Variants in ATRNL1 observed in about 807,000 individuals in gnomAD.
The protein encoded by ATRNL1 is attractin-like protein 1.
A neutral mutation model predicts 182.7 loss-of-function variants in ATRNL1; 95 were observed. The ratio of observed to expected loss-of-function variants is 0.52; its 90% CI spans 0.44 to 0.62. The LOEUF (loss-of-function observed/expected upper bound fraction) is 0.62, where lower values mean the gene tolerates loss of function less well. Ranked by LOEUF, ATRNL1 falls within the 20% of genes least tolerant of loss-of-function variation. The pLI is 0.00. For missense variants in ATRNL1, 1,471 were observed against 1,679.5 expected (o/e 0.88, Z 2.17); for synonymous variants, 576 against 568.3 (o/e 1.01, Z -0.19).
chr10:115,719,148 C>T (rs1283974788), intron 26 of ATRNL1, among the ~76,000 whole-genome samples: 2 of 152,168 alleles, frequency 1.3e-5, no homozygotes, highest in African/African-American at 4.8e-5. Context: ...CTAAGCTATT[C>T]AGGATCATCC....
intron 24 of ATRNL1, among the ~76,000 whole-genome samples, chr10:115,512,484 C>A (rs1850433283): frequency 6.6e-6 from 1 of 151,408 alleles, no homozygotes; most frequent in African/African-American, 2.4e-5. Context: ...TCTATTTATT[C>A]TATAAATTTC....
At chr10:115,144,989 C>T (rs1845912266) in intron 5 of ATRNL1, among the ~76,000 whole-genome samples, 1 of 151,976 alleles carries the variant, frequency 6.6e-6, no homozygotes, top group Admixed American at 6.5e-5. Context: ...ATACATGCAC[C>T]AGTCTAATAA....
intron 28 of ATRNL1, among the ~76,000 whole-genome samples, chr10:115,910,420 G>GCCCTGTCA (rs1555115636): frequency 6.6e-6 from 1 of 152,110 alleles, no homozygotes; most frequent in African/African-American, 2.4e-5. Context: ...CCCAGGCCAT[G>GCCCTGTCA]CCCTGTCACC....
At chr10:115,821,434 CA>C (rs1435771006) in intron 27 of ATRNL1, among the ~76,000 whole-genome samples, 1 of 151,968 alleles carries the variant, frequency 6.6e-6, no homozygotes, top group African/African-American at 2.4e-5. Flanking sequence ...TTCCACATAA[CA>C]ATATTAACCT....
intron 26 of ATRNL1, among the ~76,000 whole-genome samples, chr10:115,716,246 G>A (rs1487202705): frequency 6.6e-6 from 1 of 152,060 alleles, no homozygotes. Context: ...GCATTTTACT[G>A]GAGAACCATT....
intron 26 of ATRNL1, among the ~76,000 whole-genome samples, chr10:115,556,135 A>G (rs1402898255): frequency 6.6e-6 from 1 of 152,030 alleles, no homozygotes. Context: ...TACTGGAAAT[A>G]TGTTATATTT....
At chr10:115,294,258 A>G (rs926842863) in intron 15 of ATRNL1, among the ~76,000 whole-genome samples, 31 of 152,188 alleles carry the variant, frequency 2.0e-4, no homozygotes, top group African/African-American at 7.5e-4. Flanking sequence ...CTGAAGTAGG[A>G]GGATCACTTG....
intron 12 of ATRNL1, 30 bp from the exon 13 acceptor site, chr10:115,268,296 C>G (rs782665819): frequency 4.0e-6 from 5 of 1,251,604 alleles, no homozygotes; most frequent in Non-Finnish European, 5.9e-6. Flanking sequence ...CTTTTCCGTG[C>G]TGATATATCG....
intron 13 of ATRNL1, among the ~76,000 whole-genome samples, chr10:115,277,463 A>G (rs782259147): frequency 3.9e-5 from 6 of 152,090 alleles, no homozygotes; most frequent in Non-Finnish European, 7.4e-5. Context: ...AATTGCTTCA[A>G]TAAATTTTAT....
At chr10:115,106,652 A>G (rs1286436668) in intron 1 of ATRNL1, among the ~76,000 whole-genome samples, 1 of 152,144 alleles carries the variant, frequency 6.6e-6, no homozygotes, top group African/African-American at 2.4e-5. Context: ...AAGTCTCAAC[A>G]ATATCTGCTG....
chr10:115,859,752 CA>C (rs1221567017), intron 28 of ATRNL1, among the ~76,000 whole-genome samples: 4 of 152,066 alleles, frequency 2.6e-5, no homozygotes, highest in African/African-American at 9.7e-5. Context: ...TAGTATCTAC[CA>C]AAGGCATTTT....
At chr10:115,868,252 A>T (rs1951485462) in intron 28 of ATRNL1, among the ~76,000 whole-genome samples, 3 of 152,110 alleles carry the variant, frequency 2.0e-5, no homozygotes. Flanking sequence ...TCTTCTTCCA[A>T]AATTTCTTAC....
At chr10:115,821,228 T>C (rs1375053286) in intron 27 of ATRNL1, among the ~76,000 whole-genome samples, 1 of 152,136 alleles carries the variant, frequency 6.6e-6, no homozygotes, top group Non-Finnish European at 1.5e-5. Flanking sequence ...ACCTCATAAA[T>C]AGTTGCAAAG....
At chr10:115,753,805 T>C (rs1315503357) in intron 27 of ATRNL1, among the ~76,000 whole-genome samples, 2 of 152,090 alleles carry the variant, frequency 1.3e-5, no homozygotes, top group Non-Finnish European at 2.9e-5. Context: ...GTGTAAAAGC[T>C]TTCCTATTTC....
chr10:115,941,286 G>T (rs1401251137), intron 28 of ATRNL1, among the ~76,000 whole-genome samples: 3 of 152,190 alleles, frequency 2.0e-5, no homozygotes, highest in Non-Finnish European at 2.9e-5. Flanking sequence ...AAATATTTAT[G>T]ATTTTCAACT....
chr10:115,832,324 T>C (rs1555093998), intron 27 of ATRNL1, among the ~76,000 whole-genome samples: 2 of 152,194 alleles, frequency 1.3e-5, no homozygotes, highest in East Asian at 1.9e-4. Context: ...CCACTCACCT[T>C]TTCTCACCTG....
At chr10:115,122,223 A>C (rs80251795) in intron 3 of ATRNL1, among the ~76,000 whole-genome samples, 1 of 151,924 alleles carries the variant, frequency 6.6e-6, no homozygotes, top group African/African-American at 2.4e-5. Flanking sequence ...TAAAAGGGTT[A>C]AGTTATGCTT....
intron 10 of ATRNL1, among the ~76,000 whole-genome samples, chr10:115,256,241 A>G (rs1222579359): frequency 6.6e-6 from 1 of 152,202 alleles, no homozygotes; most frequent in Non-Finnish European, 1.5e-5. Flanking sequence ...CCTCTGGTAG[A>G]ATTCAGCTGT....
intron 26 of ATRNL1, among the ~76,000 whole-genome samples, chr10:115,605,267 C>T (rs1035068103): frequency 7.2e-5 from 11 of 151,992 alleles, no homozygotes; most frequent in African/African-American, 2.7e-4. Flanking sequence ...GTTCTGATCC[C>T]TGGGAATTGA....
Sources: allele counts gnomAD v4.1 joint callset (sites outside exome capture counted in the v4.1 genomes callset), GRCh38; gene constraint gnomAD v4.1.1; transcripts MANE v1.5; gene names NCBI Gene and HGNC (gene_info 2026-07-23, HGNC 2026-07-21).